The following NARS1 variants were observed in gnomAD, a reference collection of about 807,000 sequenced individuals.
NARS1 encodes the protein asparaginyl-tRNA synthetase 1.
A neutral mutation model predicts 79.2 loss-of-function variants in NARS1; 65 were observed. The ratio of observed to expected loss-of-function variants is 0.82; its 90% CI spans 0.67 to 1.01. The LOEUF (loss-of-function observed/expected upper bound fraction) is 1.01, where lower values mean the gene tolerates loss of function less well. Ranked by LOEUF, NARS1 falls within the 50% of genes least tolerant of loss-of-function variation. The pLI is 0.00. For synonymous variants in NARS1, 229 were observed against 238.8 expected, an observed-to-expected ratio of 0.96 and a Z score of 0.38; for missense variants, 649 against 673.8, an observed-to-expected ratio of 0.96 and a Z score of 0.41.
intron 2 of NARS1, among the ~76,000 whole-genome samples, chr18:57,616,749 T>C (rs1202351053): frequency 6.6e-6 from 1 of 151,856 alleles, no homozygotes; most frequent in Non-Finnish European, 1.5e-5. Flanking sequence ...AGGCCTGTAA[T>C]CCCAGCATTC....
At chr18:57,619,571 T>TA (rs767738251) in intron 2 of NARS1, among the ~76,000 whole-genome samples, 19 of 152,030 alleles carry the variant, frequency 1.2e-4, no homozygotes, top group South Asian at 6.2e-4. Flanking sequence ...TATGTGGCAG[T>TA]TATAGCCAAT....
intron 11 of NARS1, among the ~76,000 whole-genome samples, chr18:57,604,940 C>G (rs1415810381): frequency 6.6e-6 from 1 of 151,958 alleles, no homozygotes; most frequent in Non-Finnish European, 1.5e-5. Context: ...GGTTCTCAGG[C>G]AAAACCGAAA....
At chr18:57,609,618 G>T (rs916628931) in intron 6 of NARS1, among the ~76,000 whole-genome samples, 175 bp from the exon 7 acceptor site, 3 of 151,864 alleles carry the variant, frequency 2.0e-5, no homozygotes, top group Non-Finnish European at 4.4e-5. Flanking sequence ...GGAAGACAGA[G>T]GTTTATCTAT....
At position 57,606,943 on chromosome 18, in the gene NARS1, G is replaced by T. The variant is rs554477712; in HGVS notation, c.1001+191C>A. ...CTTGTTTGCTCCTTTATATATAAAA[G>T]ATCAAGTCAAAGTGAAAAAAGAGAA... is the stretch of plus-strand genomic sequence containing the variant. On this transcript the variant is annotated intron_variant, in intron 9 of 13. Transcript: ENST00000256854. 2.2e-5 allele frequency: 20 copies of T among 910,572 alleles called. No homozygotes were observed. The African/African-American group carries it at 3.0e-4, about 14-fold the overall frequency. 56.4% of individuals were successfully genotyped at this position (910,572 alleles called of 1,614,324 possible).
chr18:57,615,577 A>C (rs1907987366), intron 4 of NARS1, 64 bp downstream of exon 4: 2 of 1,082,768 alleles, frequency 1.8e-6, no homozygotes, highest in Non-Finnish European at 2.8e-6. Flanking sequence ...CATGCCCCTC[A>C]TACACAGAAA....
rs1213130481 is a variant in NARS1, at chr18:57,607,444, T to C, written c.801A>G (p.Glu267=). The C allele has an allele frequency of 6.2e-7, 1 of 1,613,900 alleles. No homozygotes were observed. Among genetic ancestry groups the C allele is most frequent in the East Asian group, 2.2e-5 (1 of 44,884 alleles). Reference sequence around the variant, plus strand: ...CAAAAGCTGACGAATGCATACTTACTTCATAGTACCCCCTATCAAAGAAGT... The same window carrying C: ...CAAAAGCTGACGAATGCATACTTACCTCATAGTACCCCCTATCAAAGAAGT... The part of the protein sequence containing the change: ...RDHFFDRGYY[E]VTPPTLVQTQ... Residue 267 remains glutamate (E), a splice_region_variant and synonymous_variant, in exon 8 of 14, where the codon GAA becomes GAG. Transcript: ENST00000256854.
chr18:57,617,592 A>C (rs887874579), intron 2 of NARS1, among the ~76,000 whole-genome samples: 2 of 113,082 alleles, frequency 1.8e-5, no homozygotes, highest in Non-Finnish European at 4.3e-5. Flanking sequence ...AAAAAAAAAA[A>C]AATAGAGAAG....
At chr18:57,619,007 T>C (rs996312313) in intron 2 of NARS1, among the ~76,000 whole-genome samples, 1 of 152,140 alleles carries the variant, frequency 6.6e-6, no homozygotes, top group Non-Finnish European at 1.5e-5. Flanking sequence ...TGCTCCCAGA[T>C]TAGGACTTGA....
chr18:57,605,405 G>A (rs2051545309), intron 11 of NARS1, among the ~76,000 whole-genome samples: 3 of 151,254 alleles, frequency 2.0e-5, no homozygotes, highest in African/African-American at 2.4e-5. Context: ...TCAAGAGATC[G>A]AGACCATCCT....
At chr18:57,603,374 C>T (rs1403512418) in intron 11 of NARS1, among the ~76,000 whole-genome samples, 1 of 151,866 alleles carries the variant, frequency 6.6e-6, no homozygotes, top group East Asian at 1.9e-4. Flanking sequence ...CATTGATCTA[C>T]ACACAGAGTA....
At position 57,605,895 on chromosome 18, in the gene NARS1, C is replaced by T. The variant is rs149120526; in HGVS notation, c.1213G>A (p.Val405Ile). The change falls in exon 11 of 14, where the codon GTA (valine) becomes ATA (isoleucine). Residue 405 changes from valine to isoleucine, a missense_variant. Coordinates refer to ENST00000256854, the MANE Select transcript of NARS1 (RefSeq NM_004539.4). ...TAGAAAGTTCCATCTTCTTTCTTTA[C>T]ATCATGTTCTTTTAGCCAAACGATA... ...DAIVWLKEHD[V>I]KKEDGTFYEF... 3.5e-4 allele frequency: 561 copies of T among 1,612,480 alleles called. 1 individual carries two copies. Among genetic ancestry groups the T allele is most frequent in the Non-Finnish European group, 4.5e-4 (529 of 1,178,988 alleles).
intron 7 of NARS1, among the ~76,000 whole-genome samples, 193 bp downstream of exon 7, chr18:57,609,164 A>G (rs1470919688): frequency 6.6e-6 from 1 of 152,222 alleles, no homozygotes; most frequent in Non-Finnish European, 1.5e-5. Context: ...CAGATGGCCT[A>G]TCGTGGGACT....
Position 57,603,031 on chromosome 18 carries a change from C to T in NARS1, c.1252-88G>A, listed in dbSNP as rs142266213. ...CCTTCACCCTGTACCAGTCCTTCCT[C>T]CTATCAATTCAACAGAGTAGAGGAT... On this transcript the variant is annotated intron_variant, in intron 11 of 13. Transcript: ENST00000256854. The T allele has an allele frequency of 2.7e-4, 361 of 1,321,802 alleles. 2 individuals carry two copies. In the East Asian group the frequency reaches 6.6e-3, roughly 24 times the overall value. 81.9% of individuals were successfully genotyped at this position (1,321,802 alleles called of 1,614,324 possible).
intron 13 of NARS1, 80 bp from the exon 14 acceptor site, chr18:57,601,863 C>T (rs1599029821): frequency 6.1e-6 from 9 of 1,485,788 alleles, no homozygotes; most frequent in Non-Finnish European, 8.4e-6. Flanking sequence ...AATTTTCCAC[C>T]ATGAAAGGAG....
intron 6 of NARS1, among the ~76,000 whole-genome samples, chr18:57,611,133 G>A (rs1555684003): frequency 2.0e-5 from 3 of 151,710 alleles, no homozygotes; most frequent in East Asian, 1.9e-4. Flanking sequence ...CACCTGGCTA[G>A]TTTTTGTATT....
intron 4 of NARS1, among the ~76,000 whole-genome samples, chr18:57,613,963 A>C (rs1440755401): frequency 6.6e-6 from 1 of 152,202 alleles, no homozygotes; most frequent in African/African-American, 2.4e-5. Context: ...TTAATAAATG[A>C]ATTCCTTTGT....
intron 2 of NARS1, among the ~76,000 whole-genome samples, chr18:57,619,714 T>C (rs1908223218): frequency 6.6e-6 from 1 of 152,094 alleles, no homozygotes; most frequent in South Asian, 2.1e-4. Context: ...TTTTGTTTTT[T>C]CTTCTGAGAC....
chr18:57,607,449 A>T lies in NARS1; in HGVS notation c.796T>A (p.Tyr266Asn). The change falls in exon 8 of 14, where the codon TAT becomes AAT. Residue 266 changes from tyrosine (Y) to asparagine (N), a missense_variant. Tyr to Asn is a moderately radical substitution (Grantham distance 143, BLOSUM62 -2). Coordinates refer to ENST00000256854, the MANE Select transcript of NARS1 (RefSeq NM_004539.4). ...FRDHFFDRGYYEVTPPTLVQT... is the reference protein window; with the variant it reads ...FRDHFFDRGYNEVTPPTLVQT... ...GCTGACGAATGCATACTTACTTCAT[A>T]GTACCCCCTATCAAAGAAGTGATCT... is the stretch of plus-strand genomic sequence containing the variant. 1 of 1,613,888 alleles carries T rather than the reference A, an allele frequency of 6.2e-7. No individual in the cohort carries two copies. The highest frequency in any genetic ancestry group is 8.5e-7 in the Non-Finnish European group (1 of 1,179,782).
At chr18:57,601,825 A>C (rs917731499) in intron 13 of NARS1, 42 bp from the exon 14 acceptor site, 4 of 1,599,082 alleles carry the variant, frequency 2.5e-6, no homozygotes, top group Admixed American at 1.7e-5. Context: ...TAAATACTTA[A>C]GTTAAAACTT....
Sources: gnomAD v4.1 joint callset for allele counts (sites outside exome capture counted in the v4.1 genomes callset) on GRCh38, gnomAD v4.1.1 for gene constraint, MANE v1.5 for transcripts, NCBI Gene and HGNC (gene_info 2026-07-23, HGNC 2026-07-21) for gene names.